The following TMEM132C variants were observed in gnomAD, a reference collection of about 807,000 sequenced individuals.
TMEM132C encodes transmembrane protein 132C, also known as protein phosphatase 1, regulatory subunit 152.
Under a neutral mutation model 61.4 loss-of-function variants are expected in TMEM132C, and 29 were observed. The observed-to-expected ratio is 0.47, with a 90% CI of 0.35 to 0.64. The LOEUF (loss-of-function observed/expected upper bound fraction) is 0.64, where lower values mean the gene tolerates loss of function less well. Ranked by LOEUF, TMEM132C falls within the 30% of genes least tolerant of loss-of-function variation. TMEM132C has a pLI of 0.00. For synonymous variants in TMEM132C, 656 were observed against 633.1 expected (o/e 1.04, Z -0.54); for missense variants, 1,408 against 1,476.9 (o/e 0.95, Z 0.76).
intron 2 of TMEM132C, among the ~76,000 whole-genome samples, chr12:128,455,137 GA>G (rs1480774335): frequency 1.3e-4 from 20 of 152,246 alleles, no homozygotes. Context: ...AGAGTGTCAA[GA>G]AAAATCTGAA....
chr12:128,464,874 G>T (rs137860018), intron 2 of TMEM132C, among the ~76,000 whole-genome samples: 7 of 151,898 alleles, frequency 4.6e-5, no homozygotes, highest in Non-Finnish European at 7.4e-5. Context: ...GCAAGGCTGT[G>T]TGAGCATTAG....
rs1376891599 is a variant in TMEM132C at position 128,697,510 on chromosome 12, G to A, written c.2121+95G>A. On this transcript the variant is annotated intron_variant, in intron 8 of 8. Coordinates refer to ENST00000435159, the MANE Select transcript of TMEM132C (RefSeq NM_001136103.3). ...AGGGTGGAGTGAGAAATGGGGGCAG[G>A]TTAGCAGAACCATGTTCCACAATGG... 4.7e-6 allele frequency: 6 copies of A among 1,288,966 alleles called. No individual in the cohort carries two copies. The South Asian group carries it at 4.8e-5, about 10-fold the overall frequency. The allele number at this position is 1,288,966 out of a possible 1,614,324, so 79.8% of individuals were successfully genotyped here. A position where few individuals can be genotyped will look rare whatever the true frequency, so the allele number is the denominator to read the frequency against.
intron 2 of TMEM132C, among the ~76,000 whole-genome samples, chr12:128,443,225 G>A (rs969111714): frequency 6.6e-6 from 1 of 152,096 alleles, no homozygotes; most frequent in African/African-American, 2.4e-5. Context: ...ACTAGAGGAT[G>A]CAAAGGCATA....
rs925815046 is a variant in TMEM132C, at chr12:128,334,169, G to C, written c.85+66682G>C. 2.0e-4 allele frequency among the ~76,000 whole-genome samples: 30 copies of C among 152,204 alleles called. 1 individual carries two copies. Among genetic ancestry groups the C allele is most frequent in the African/African-American group, 7.2e-4 (30 of 41,444 alleles). On this transcript the variant is annotated intron_variant, in intron 1 of 8. Coordinates refer to ENST00000435159, the MANE Select transcript of TMEM132C (RefSeq NM_001136103.3). ...AGAAGAGCTGGAAAGCATCAAAAAG[G>C]CTGTCTAGTTTTAGTGCCAACATTC...
intron 4 of TMEM132C, among the ~76,000 whole-genome samples, chr12:128,647,786 C>T (rs543825459): frequency 1.3e-5 from 2 of 149,370 alleles, no homozygotes; most frequent in African/African-American, 5.1e-5. Context: ...AGTCCATTAG[C>T]ATTGGAAGTG....
intron 4 of TMEM132C, among the ~76,000 whole-genome samples, chr12:128,639,759 A>G (rs1242830410): frequency 6.6e-6 from 1 of 152,144 alleles, no homozygotes; most frequent in East Asian, 1.9e-4. Flanking sequence ...TGGGACTCCC[A>G]GTTTTAAAAC....
At chr12:128,505,418 C>T (rs1039169620) in intron 2 of TMEM132C, among the ~76,000 whole-genome samples, 2 of 152,276 alleles carry the variant, frequency 1.3e-5, no homozygotes, top group Middle Eastern at 3.4e-3. Context: ...TAGTACCACA[C>T]CTTGAAAGAC....
At chr12:128,271,482 G>A (rs1870520780) in intron 1 of TMEM132C, among the ~76,000 whole-genome samples, 1 of 151,968 alleles carries the variant, frequency 6.6e-6, no homozygotes, top group Non-Finnish European at 1.5e-5. Context: ...TTTATCAAAT[G>A]CTCTTTTGCA....
intron 1 of TMEM132C, among the ~76,000 whole-genome samples, chr12:128,273,767 T>G (rs1870595392): frequency 6.6e-6 from 1 of 152,230 alleles, no homozygotes; most frequent in African/African-American, 2.4e-5. Flanking sequence ...TGCATTCAAA[T>G]TATGTTACGG....
intron 1 of TMEM132C, among the ~76,000 whole-genome samples, chr12:128,366,391 G>C (rs1184764728): frequency 2.0e-5 from 3 of 152,236 alleles, no homozygotes; most frequent in Non-Finnish European, 4.4e-5. Context: ...TGCTCCTGCA[G>C]AATGGGGTTT....
chr12:128,499,493 A>G (rs1030228154), intron 2 of TMEM132C, among the ~76,000 whole-genome samples: 1 of 152,184 alleles, frequency 6.6e-6, no homozygotes. Context: ...GCTACTGCAT[A>G]CTAGAACTTA....
At chr12:128,518,414 C>T (rs1872790256) in intron 2 of TMEM132C, among the ~76,000 whole-genome samples, 1 of 152,166 alleles carries the variant, frequency 6.6e-6, no homozygotes, top group Admixed American at 6.5e-5. Context: ...ATCACTTGCC[C>T]TGTGGCTTGC....
intron 2 of TMEM132C, among the ~76,000 whole-genome samples, chr12:128,530,604 C>A (rs1401425408): frequency 6.6e-6 from 1 of 152,126 alleles, no homozygotes; most frequent in African/African-American, 2.4e-5. Context: ...CCACCACGCC[C>A]ATCTAATTTT....
chr12:128,569,999 G>C (rs574949533), intron 3 of TMEM132C, among the ~76,000 whole-genome samples: 1 of 152,284 alleles, frequency 6.6e-6, no homozygotes, highest in East Asian at 1.9e-4. Flanking sequence ...CACTTTCGAT[G>C]CTCTTTTATT....
Position 128,278,328 on chromosome 12 carries a change from T to C in TMEM132C, c.85+10841T>C, listed in dbSNP as rs77094490. 1.0e-3 allele frequency among the ~76,000 whole-genome samples: 159 copies of C among 152,336 alleles called. 6 individuals are homozygous for C. In the East Asian group the frequency reaches 0.026, roughly 25 times the overall value. ...GGTTACCATTTTCTTTATTTTCCAC[T>C]GTTTAATTGTAAGCAATGAATTGAC... On this transcript the variant is annotated intron_variant, in intron 1 of 8. Transcript: ENST00000435159. The surrounding 1 kb of genome is among the most constrained non-coding windows in gnomAD (Gnocchi z 4.2).
At chr12:128,648,809 G>C (rs1201660537) in intron 4 of TMEM132C, among the ~76,000 whole-genome samples, 2 of 151,124 alleles carry the variant, frequency 1.3e-5, no homozygotes, top group Non-Finnish European at 2.9e-5. Context: ...GTGTTTACTA[G>C]AGTCCATCAG....
chr12:128,581,020 C>T (rs1244771618), intron 3 of TMEM132C, among the ~76,000 whole-genome samples: 1 of 152,152 alleles, frequency 6.6e-6, no homozygotes, highest in Non-Finnish European at 1.5e-5. Flanking sequence ...TGGTTGAGAA[C>T]CACTAGTTTA....
intron 2 of TMEM132C, among the ~76,000 whole-genome samples, chr12:128,521,062 C>A (rs908371804): frequency 6.6e-6 from 1 of 152,040 alleles, no homozygotes; most frequent in African/African-American, 2.4e-5. Context: ...CCACCCTTCG[C>A]GTTTCTCTCC....
intron 2 of TMEM132C, among the ~76,000 whole-genome samples, chr12:128,478,168 C>T (rs1165715249): frequency 3.9e-5 from 6 of 152,198 alleles, no homozygotes; most frequent in Admixed American, 1.3e-4. Context: ...GCATCATTTC[C>T]TTTAAAGCCC....
Sources: allele counts gnomAD v4.1 joint callset (sites outside exome capture counted in the v4.1 genomes callset), GRCh38; gene constraint gnomAD v4.1.1; non-coding constraint Gnocchi (gnomAD v3.1); transcripts MANE v1.5; gene names NCBI Gene and HGNC (gene_info 2026-07-23, HGNC 2026-07-21).